Variants in SMAP2 observed in about 807,000 individuals in gnomAD.
SMAP2 encodes stromal membrane-associated protein 2.
Under a neutral mutation model 56.4 loss-of-function variants are expected in SMAP2, and 25 were observed. The observed-to-expected ratio is 0.44, with a 90% confidence interval of 0.32 to 0.62. SMAP2 has a LOEUF of 0.62. Ranked by LOEUF, SMAP2 falls within the 20% of genes least tolerant of loss-of-function variation. SMAP2 has a pLI of 0.04. For synonymous variants in SMAP2, 157 were observed against 181.7 expected (o/e 0.86, Z 1.09); for missense variants, 388 against 545.6 (o/e 0.71, Z 2.88).
At chr1:40,357,518 G>A (rs568450) in intron 1 of SMAP2, among the ~76,000 whole-genome samples, 1 of 151,800 alleles carries the variant, frequency 6.6e-6, no homozygotes, top group African/African-American at 2.4e-5. Context: ...CAATGTCCCA[G>A]AGAGTTTCCT....
chr1:40,349,157 T>C (rs1229083255), intron 1 of SMAP2, among the ~76,000 whole-genome samples: 3 of 152,242 alleles, frequency 2.0e-5, no homozygotes, highest in Admixed American at 6.5e-5. Flanking sequence ...TCTCTCACAA[T>C]TTCATTTCTG....
intron 1 of SMAP2, chr1:40,403,847 C>A: frequency 5.9e-6 from 1 of 168,646 alleles, no homozygotes; most frequent in Non-Finnish European, 1.2e-5. Flanking sequence ...ACCTGTAATC[C>A]CAGTGCTTTG....
intron 9 of SMAP2, among the ~76,000 whole-genome samples, chr1:40,420,021 TTC>T (rs1247949552): frequency 6.6e-6 from 1 of 152,268 alleles, no homozygotes; most frequent in African/African-American, 2.4e-5. Context: ...TTTGATACTT[TTC>T]TCTGTTTCTT....
intron 1 of SMAP2, among the ~76,000 whole-genome samples, chr1:40,355,037 C>G (rs1483921316): frequency 6.6e-6 from 1 of 151,800 alleles, no homozygotes; most frequent in Non-Finnish European, 1.5e-5. Context: ...GCCCGCCTCA[C>G]CCTCCCAATG....
intron 1 of SMAP2, chr1:40,393,358 T>TGCA: frequency 6.5e-7 from 1 of 1,534,182 alleles, no homozygotes; most frequent in South Asian, 1.2e-5. Flanking sequence ...AATGAGTGAG[T>TGCA]GCAGCAGGAG....
chr1:40,387,958 C>A (rs1644676175), intron 1 of SMAP2, among the ~76,000 whole-genome samples: 1 of 152,128 alleles, frequency 6.6e-6, no homozygotes, highest in African/African-American at 2.4e-5. Context: ...AGCCGGCCAG[C>A]CCTGCTGGCC....
At chr1:40,352,302 C>A (rs904312271) in intron 1 of SMAP2, among the ~76,000 whole-genome samples, 1 of 152,128 alleles carries the variant, frequency 6.6e-6, no homozygotes, top group East Asian at 1.9e-4. Flanking sequence ...ATCTGGCCCT[C>A]ACCCTCTGTC....
Position 40,408,802 on chromosome 1 carries a change from A to T in SMAP2, c.323+64A>T. On this transcript the variant is annotated intron_variant, in intron 3 of 9. Coordinates refer to ENST00000372718, the MANE Select transcript of SMAP2 (RefSeq NM_022733.3). The surrounding 1 kb of genome is among the most constrained non-coding windows in gnomAD (Gnocchi z 4.3). The stretch of plus-strand genomic sequence containing the variant: ...TTTGATGCTTGGGGAGAGTCAGACA[A>T]GACTCCAGTCCTGTAATGTGACTGG... The T allele has an allele frequency of 7.7e-7, 1 of 1,299,810 alleles. No individual in the cohort carries two copies. The highest frequency in any genetic ancestry group is 1.2e-5 in the South Asian group (1 of 84,328). The allele number at this position is 1,299,810 out of a possible 1,614,324, so 80.5% of individuals were successfully genotyped here.
chr1:40,392,837 T>C (rs1644729931), intron 1 of SMAP2, among the ~76,000 whole-genome samples: 1 of 152,160 alleles, frequency 6.6e-6, no homozygotes, highest in African/African-American at 2.4e-5. Flanking sequence ...CAGTGGCTCA[T>C]GCCTGTAATC....
chr1:40,354,156 C>A (rs781535341), intron 1 of SMAP2, among the ~76,000 whole-genome samples: 5 of 151,974 alleles, frequency 3.3e-5, no homozygotes, highest in African/African-American at 1.2e-4. Flanking sequence ...CATTCAAAGG[C>A]CTTCTGAACT....
chr1:40,413,275 G>C (rs1008257033), intron 5 of SMAP2, among the ~76,000 whole-genome samples, 173 bp downstream of exon 5: 2 of 152,160 alleles, frequency 1.3e-5, no homozygotes, highest in African/African-American at 2.4e-5. Flanking sequence ...GTTACCAGTT[G>C]CTGCCTAAAT....
At chr1:40,350,889 C>T (rs2124157294) in intron 1 of SMAP2, among the ~76,000 whole-genome samples, 1 of 152,270 alleles carries the variant, frequency 6.6e-6, no homozygotes, top group Admixed American at 6.5e-5. Context: ...AATCATTTAT[C>T]TTTGGATTAA....
At chr1:40,351,661 G>A (rs1644409438) in intron 1 of SMAP2, among the ~76,000 whole-genome samples, 2 of 152,078 alleles carry the variant, frequency 1.3e-5, no homozygotes. Context: ...GCACCACCAA[G>A]CCCGGCTAAT....
intron 1 of SMAP2, among the ~76,000 whole-genome samples, chr1:40,397,973 A>G (rs551281971): frequency 1.3e-5 from 2 of 152,304 alleles, no homozygotes; most frequent in East Asian, 3.9e-4. Context: ...CAAGGCTCTC[A>G]ACAGACTTTA....
In SMAP2 at chr1:40,408,466, A is replaced by G. The variant is rs1233487453; in HGVS notation, c.238-187A>G. ...AGTGGGGGAAAGACAGCTTGGGGCA[A>G]ATGATTGGGAAATCCTAGTAAGGTA... On this transcript the variant is annotated intron_variant, in intron 2 of 9. Transcript: ENST00000372718. The surrounding 1 kb of genome is among the most constrained non-coding windows in gnomAD (Gnocchi z 4.3). Among the ~76,000 whole-genome samples the G allele has an allele frequency of 1.3e-5, 2 of 152,186 alleles. No individual in the cohort carries two copies.
intron 1 of SMAP2, among the ~76,000 whole-genome samples, chr1:40,399,118 T>C (rs1644802166): frequency 6.6e-6 from 1 of 152,036 alleles, no homozygotes; most frequent in South Asian, 2.1e-4. Flanking sequence ...AGTGAGACCC[T>C]GTCTCTTTTT....
chr1:40,374,703 T>C lies in SMAP2; in HGVS notation c.103+480T>C, dbSNP rs1644526330. ...GAAAGGAAAACTGCTTAAATGATTTTTAAAGGTGGTGATTTTTGCTTCCTG... is the reference window on the plus strand; with the variant it reads ...GAAAGGAAAACTGCTTAAATGATTTCTAAAGGTGGTGATTTTTGCTTCCTG... On this transcript the variant is annotated intron_variant, in intron 1 of 9. Transcript: ENST00000372718. This position sits in a 1 kb window ranked among gnomAD's most constrained non-coding sequence, Gnocchi z 5.9. 1 of 1,550,200 alleles carries C rather than the reference T, an allele frequency of 6.5e-7. No individual in the cohort carries two copies. Among genetic ancestry groups the C allele is most frequent in the Non-Finnish European group, 8.7e-7 (1 of 1,146,960 alleles).
chr1:40,352,757 G>A (rs1644414200), intron 1 of SMAP2, among the ~76,000 whole-genome samples: 1 of 151,972 alleles, frequency 6.6e-6, no homozygotes, highest in South Asian at 2.1e-4. Context: ...CAAACTCCTG[G>A]CCTCAAGCGA....
Position 40,374,060 on chromosome 1 carries a change from G to A in SMAP2, c.-61G>A. The A allele has an allele frequency of 7.3e-7, 1 of 1,361,340 alleles. No individual in the cohort carries two copies. Among genetic ancestry groups the A allele is most frequent in the East Asian group, 2.4e-5 (1 of 41,590 alleles). The allele number at this position is 1,361,340 out of a possible 1,614,324, so 84.3% of individuals were successfully genotyped here. On this transcript the variant is annotated 5_prime_UTR_variant, in exon 1 of 10. Transcript: ENST00000372718. The surrounding 1 kb of genome is among the most constrained non-coding windows in gnomAD (Gnocchi z 5.9). Reference sequence around the variant, plus strand: ...CCGGGAGTCCTCAACCCCGGACTGAGGCAGGGGTCTCTGGGGGCGAGGAGG... The same window carrying A: ...CCGGGAGTCCTCAACCCCGGACTGAAGCAGGGGTCTCTGGGGGCGAGGAGG...
Sources: allele counts gnomAD v4.1 joint callset (sites outside exome capture counted in the v4.1 genomes callset), GRCh38; gene constraint gnomAD v4.1.1; non-coding constraint Gnocchi (gnomAD v3.1); transcripts MANE v1.5; gene names NCBI Gene and HGNC (gene_info 2026-07-23, HGNC 2026-07-21).